PLXDC2: variants seen among roughly 807,000 people sequenced by gnomAD.
PLXDC2 encodes the protein plexin domain-containing protein 2.
PLXDC2 carries 40 observed loss-of-function variants against 68.9 expected under a neutral mutation model. The ratio of observed to expected loss-of-function variants is 0.58; its 90% CI spans 0.45 to 0.76. The LOEUF (loss-of-function observed/expected upper bound fraction) is 0.76. Ranked by LOEUF, PLXDC2 falls within the 30% of genes least tolerant of loss-of-function variation. PLXDC2 has a pLI of 0.00. For missense variants in PLXDC2, 644 were observed against 661.9 expected, an observed-to-expected ratio of 0.97 and a Z score of 0.30; for synonymous variants, 243 against 234.2, an observed-to-expected ratio of 1.04 and a Z score of -0.34.
At chr10:19,878,217 A>G (rs1045453808) in intron 1 of PLXDC2, among the ~76,000 whole-genome samples, 3 of 147,028 alleles carry the variant, frequency 2.0e-5, no homozygotes, top group African/African-American at 5.0e-5. Flanking sequence ...TTTTTTTTTT[A>G]AAGAGATAGA....
intron 2 of PLXDC2, among the ~76,000 whole-genome samples, chr10:20,019,836 T>TGGCA (rs1200384312): frequency 6.6e-6 from 1 of 152,142 alleles, no homozygotes; most frequent in Non-Finnish European, 1.5e-5. Context: ...TAAGCTGCCA[T>TGGCA]GGCAGCACAG....
chr10:19,841,204 G>T (rs1836897325), intron 1 of PLXDC2, among the ~76,000 whole-genome samples: 1 of 152,058 alleles, frequency 6.6e-6, no homozygotes, highest in African/African-American at 2.4e-5. Flanking sequence ...TTGTTTCTTA[G>T]ATTTGTTTTT....
intron 4 of PLXDC2, among the ~76,000 whole-genome samples, chr10:20,083,242 A>G (rs7085207): frequency 0.7 from 106,681 of 151,608 alleles, 39,631 homozygotes; most frequent in East Asian, 1. Context: ...TTGGGAGGCC[A>G]AGGCGGGTGG....
intron 1 of PLXDC2, among the ~76,000 whole-genome samples, chr10:19,856,684 T>C (rs1837220533): frequency 6.6e-6 from 1 of 152,226 alleles, no homozygotes; most frequent in Non-Finnish European, 1.5e-5. Flanking sequence ...ACATTTCATC[T>C]GCTTTCTCCA....
chr10:20,025,551 A>G (rs1835385898), intron 2 of PLXDC2, among the ~76,000 whole-genome samples: 1 of 152,048 alleles, frequency 6.6e-6, no homozygotes, highest in Admixed American at 6.6e-5. Context: ...TGTGAGCCAC[A>G]GCACCCAGCC....
At chr10:19,938,515 G>A (rs902240877) in intron 1 of PLXDC2, among the ~76,000 whole-genome samples, 1 of 152,138 alleles carries the variant, frequency 6.6e-6, no homozygotes, top group Admixed American at 6.5e-5. Flanking sequence ...GAGTTTGGCG[G>A]GGGGCTATAC....
intron 4 of PLXDC2, among the ~76,000 whole-genome samples, chr10:20,094,985 C>T (rs1833329024): frequency 6.6e-6 from 1 of 152,124 alleles, no homozygotes; most frequent in Non-Finnish European, 1.5e-5. Flanking sequence ...TCTAGAACTG[C>T]ACAATTAGAA....
At chr10:19,910,275 A>C (rs1333477527) in intron 1 of PLXDC2, among the ~76,000 whole-genome samples, 2 of 151,792 alleles carry the variant, frequency 1.3e-5, no homozygotes, top group African/African-American at 4.8e-5. Context: ...GGGAGTCAGG[A>C]TGCTGCTGCT....
At chr10:20,200,191 T>C (rs1018355426) in intron 9 of PLXDC2, among the ~76,000 whole-genome samples, 8 of 151,954 alleles carry the variant, frequency 5.3e-5, no homozygotes, top group Non-Finnish European at 1.0e-4. Context: ...CATGGTATAT[T>C]TGACAGGGAT....
intron 2 of PLXDC2, among the ~76,000 whole-genome samples, chr10:20,004,796 G>A (rs752216962): frequency 5.9e-5 from 9 of 152,126 alleles, no homozygotes; most frequent in Admixed American, 5.2e-4. Flanking sequence ...TACTGTAGCT[G>A]TAATTTTGTG....
At chr10:20,270,481 A>C (rs1002744512) in intron 13 of PLXDC2, among the ~76,000 whole-genome samples, 4 of 152,184 alleles carry the variant, frequency 2.6e-5, no homozygotes, top group African/African-American at 9.6e-5. Context: ...TTGAATATGT[A>C]GGATGAAGAA....
At chr10:19,996,984 G>A (rs1309057566) in intron 1 of PLXDC2, among the ~76,000 whole-genome samples, 1 of 152,170 alleles carries the variant, frequency 6.6e-6, no homozygotes, top group African/African-American at 2.4e-5. Flanking sequence ...AATTCAGGAT[G>A]AGATTAGGGT....
At chr10:19,870,123 C>T (rs1330058680) in intron 1 of PLXDC2, among the ~76,000 whole-genome samples, 2 of 152,140 alleles carry the variant, frequency 1.3e-5, no homozygotes, top group African/African-American at 4.8e-5. Flanking sequence ...ACAAAGGGAA[C>T]AAACTTGGGG....
At chr10:20,098,774 A>G (rs1022078603) in intron 4 of PLXDC2, among the ~76,000 whole-genome samples, 20 of 152,156 alleles carry the variant, frequency 1.3e-4, no homozygotes, top group Non-Finnish European at 2.4e-4. Context: ...ATGGCCCTAT[A>G]ATCCAATTCT....
intron 1 of PLXDC2, among the ~76,000 whole-genome samples, chr10:19,862,978 C>T (rs536548945): frequency 6.6e-6 from 1 of 152,246 alleles, no homozygotes; most frequent in African/African-American, 2.4e-5. Context: ...TAGCGTGTGT[C>T]TGTCTTTTAT....
intron 4 of PLXDC2, among the ~76,000 whole-genome samples, chr10:20,130,423 A>G (rs1033574471): frequency 2.0e-5 from 3 of 152,076 alleles, no homozygotes; most frequent in African/African-American, 4.8e-5. Context: ...AGGGTTTTGT[A>G]TATAGAGCAT....
intron 1 of PLXDC2, among the ~76,000 whole-genome samples, chr10:19,818,227 G>GGTGTGTGTGTGTGTGT (rs749435110): frequency 2.8e-4 from 39 of 137,610 alleles, no homozygotes; most frequent in East Asian, 1.6e-3. Flanking sequence ...GTTCTTTTCT[G>GGTGTGTGTGTGTGTGT]GTGTGTGTGT....
intron 12 of PLXDC2, among the ~76,000 whole-genome samples, chr10:20,238,668 T>TATATATGTATATATATATATACACAC (rs760904961): frequency 2.1e-5 from 2 of 96,758 alleles, no homozygotes; most frequent in Admixed American, 2.1e-4. Context: ...AAAAAATATA[T>TATATATGTATATATATATATACACAC]ATATATATGT....
At chr10:19,967,192 T>C (rs1834278019) in intron 1 of PLXDC2, among the ~76,000 whole-genome samples, 1 of 152,200 alleles carries the variant, frequency 6.6e-6, no homozygotes, top group Non-Finnish European at 1.5e-5. Flanking sequence ...AATCTAAATT[T>C]TTGGGTGTAG....
Sources: gnomAD v4.1 joint callset for allele counts (sites outside exome capture counted in the v4.1 genomes callset) on GRCh38, gnomAD v4.1.1 for gene constraint, MANE v1.5 for transcripts, NCBI Gene and HGNC (gene_info 2026-07-23, HGNC 2026-07-21) for gene names.